The following SDR42E2 variants were observed in gnomAD, a reference collection of about 807,000 sequenced individuals.
The protein encoded by SDR42E2 is short chain dehydrogenase/reductase family 42E, member 2.
SDR42E2 carries 20 observed loss-of-function variants against 10.5 expected under a neutral mutation model. The ratio of observed to expected loss-of-function variants is 1.90; its 90% CI spans 1.34 to 2.77. SDR42E2 has a LOEUF of 2.77. SDR42E2 is among the 30% of genes most tolerant of loss of function. The pLI, the probability that SDR42E2 is intolerant of heterozygous loss-of-function variation, is 0.00. For synonymous variants in SDR42E2, 72 were observed against 39.2 expected (o/e 1.84, Z -3.12); for missense variants, 162 against 104.2 (o/e 1.55, Z -2.42).
Position 22,169,492 on chromosome 16 carries a change from A to G in SDR42E2, c.384A>G (p.Leu128=), listed in dbSNP as rs2046574874. 2.8e-6 allele frequency: 2 copies of G among 703,424 alleles called. No homozygotes were observed. The highest frequency in any genetic ancestry group is 3.5e-5 in the African/African-American group (2 of 57,250). 43.6% of individuals were successfully genotyped at this position (703,424 alleles called of 1,614,324 possible). Residue 128 remains leucine (L), a synonymous_variant, in exon 5 of 13, where the codon CTA becomes CTG. Transcript: ENST00000602312. ...IESINVGGTK[L]VIDVCVRRRV... is the part of the protein sequence containing the mutation. ...CTATAAATGTTGGAGGCACCAAACT[A>G]GTGATTGATGGTAGGTGCTCAGAGC...
chr16:22,176,277 C>G (rs1008032715), intron 7 of SDR42E2, among the ~76,000 whole-genome samples: 1 of 152,060 alleles, frequency 6.6e-6, no homozygotes, highest in Non-Finnish European at 1.5e-5. Context: ...CACCATGGTG[C>G]CTGGCTAATT....
chr16:22,166,926 C>A lies in SDR42E2; in HGVS notation c.263C>A (p.Ala88Asp), dbSNP rs2046545809. 2.9e-6 allele frequency: 2 copies of A among 699,148 alleles called. No individual in the cohort carries two copies. Among genetic ancestry groups the A allele is most frequent in the Non-Finnish European group, 5.2e-6 (2 of 382,412 alleles). 43.3% of individuals were successfully genotyped at this position (699,148 alleles called of 1,614,324 possible). A position where few individuals can be genotyped will look rare whatever the true frequency, so the allele number is the denominator to read the frequency against. Reference protein sequence around the residue: ...FIQADVRDEEALYRAFEGVDC... With the variant: ...FIQADVRDEEDLYRAFEGVDC... ...CAGGCTGATGTCCGAGATGAAGAAG[C>A]CCTGTACCGTGCCTTCGAAGGGGTG... The change falls in exon 4 of 13, where the codon GCC becomes GAC. Residue 88 changes from alanine to aspartate, a missense_variant. Physicochemically the swap from Ala to Asp is moderately radical, Grantham distance 126. Transcript: ENST00000602312.
In SDR42E2 at chr16:22,183,739, A is replaced by G. The variant is rs138243121; in HGVS notation, c.877-442A>G. Among the ~76,000 whole-genome samples, 53 of 152,318 alleles carry G rather than the reference A, an allele frequency of 3.5e-4. No individual in the cohort carries two copies. The East Asian group carries it at 6.2e-3, about 18-fold the overall frequency. On this transcript the variant is annotated intron_variant, in intron 10 of 12. Coordinates refer to ENST00000602312, the MANE Select transcript of SDR42E2 (RefSeq NM_001394319.2). ...AAATCAGATTCTACATAAATGCCTTAGAGTGTCTCTAGGTATAGACAGATG... is the reference window on the plus strand; with the variant it reads ...AAATCAGATTCTACATAAATGCCTTGGAGTGTCTCTAGGTATAGACAGATG...
rs1407438771 is a variant in SDR42E2 at position 22,190,360 on chromosome 16, G to A, written c.1236G>A (p.Leu412=). 1.7e-5 allele frequency: 7 copies of A among 402,022 alleles called. No individual in the cohort carries two copies. In the East Asian group the frequency reaches 2.1e-4, roughly 12 times the overall value. 24.9% of individuals were successfully genotyped at this position (402,022 alleles called of 1,614,324 possible). Residue 412 remains leucine, a synonymous_variant, in exon 13 of 13, where the codon CTG becomes CTA. Coordinates refer to ENST00000602312, the MANE Select transcript of SDR42E2 (RefSeq NM_001394319.2). The part of the protein sequence containing the change: ...LLALALHFLG[L]QPLHAAVERL ...CCCTGGCCCTGCACTTCCTAGGCCT[G>A]CAGCCTCTGCACGCCGCCGTGGAGC...
At chr16:22,175,947 C>T (rs1164117585) in intron 7 of SDR42E2, among the ~76,000 whole-genome samples, 1 of 151,012 alleles carries the variant, frequency 6.6e-6, no homozygotes, top group African/African-American at 2.4e-5. Flanking sequence ...GAGCCGAGAT[C>T]GTGCCATTGC....
At chr16:22,185,480 T>C (rs533677966) in intron 11 of SDR42E2, among the ~76,000 whole-genome samples, 1 of 152,230 alleles carries the variant, frequency 6.6e-6, no homozygotes, top group South Asian at 2.1e-4. Flanking sequence ...CTAACAGTAA[T>C]TCAGTGCTTC....
chr16:22,181,077 AG>A (rs2046688796), intron 8 of SDR42E2, among the ~76,000 whole-genome samples: 1 of 152,166 alleles, frequency 6.6e-6, no homozygotes, highest in Non-Finnish European at 1.5e-5. Context: ...GGGTGGACAG[AG>A]GGGGACCAGT....
rs2046529129 is a variant in SDR42E2 at position 22,165,714 on chromosome 16, G to T, written c.55+77G>T. The T allele has an allele frequency of 1.7e-5, 7 of 402,326 alleles. No individual in the cohort carries two copies. The South Asian group carries it at 7.5e-4, about 43-fold the overall frequency. The allele number at this position is 402,326 out of a possible 1,614,324, so 24.9% of individuals were successfully genotyped here. A position where few individuals can be genotyped will look rare whatever the true frequency, so the allele number is the denominator to read the frequency against. ...GGTCTGGCTCAGGGTCTGAGTCAAG[G>T]CCTGCACCAAAGCCTGGTGCCATTC... On this transcript the variant is annotated intron_variant, in intron 2 of 12. Transcript: ENST00000602312.
chr16:22,179,580 C>A (rs1309918914), intron 8 of SDR42E2, among the ~76,000 whole-genome samples: 1 of 151,842 alleles, frequency 6.6e-6, no homozygotes, highest in African/African-American at 2.4e-5. Context: ...GGGAGGCCGA[C>A]AGGGATGGAT....
intron 12 of SDR42E2, among the ~76,000 whole-genome samples, 191 bp from the exon 13 acceptor site, chr16:22,189,948 A>T (rs1040759388): frequency 6.6e-6 from 1 of 152,196 alleles, no homozygotes; most frequent in African/African-American, 2.4e-5. Context: ...AAAAATGAAC[A>T]TGTAAGGAAG....
chr16:22,169,183 C>T (rs1039646642), intron 4 of SDR42E2, among the ~76,000 whole-genome samples: 35 of 152,184 alleles, frequency 2.3e-4, no homozygotes, highest in Non-Finnish European at 1.3e-4. Context: ...TATTGAGTCC[C>T]GCCCACCACC....
intron 4 of SDR42E2, among the ~76,000 whole-genome samples, chr16:22,168,293 T>G (rs2046563155): frequency 6.6e-6 from 1 of 151,778 alleles, no homozygotes; most frequent in African/African-American, 2.4e-5. Context: ...TGAGACGGAG[T>G]TTCGCTCAGT....
At position 22,170,842 on chromosome 16, in the gene SDR42E2, G is replaced by A. The variant is rs547855624; in HGVS notation, c.404G>A (p.Arg135His). 3.1e-5 allele frequency: 22 copies of A among 702,948 alleles called. No individual in the cohort carries two copies. In the African/African-American group the frequency reaches 3.5e-4, roughly 11 times the overall value. The allele number at this position is 702,948 out of a possible 1,614,324, so 43.5% of individuals were successfully genotyped here. A position where few individuals can be genotyped will look rare whatever the true frequency, so the allele number is the denominator to read the frequency against. The change falls in exon 6 of 13, where the codon CGC (arginine) becomes CAC (histidine). Residue 135 changes from arginine to histidine, a missense_variant. Physicochemically the swap from Arg to His is conservative, Grantham distance 29 (BLOSUM62 0). Coordinates refer to ENST00000602312, the MANE Select transcript of SDR42E2 (RefSeq NM_001394319.2). ...GTKLVIDVCV[R>H]RRVPRLIYTS... is the part of the protein sequence containing the mutation. Reference sequence around the variant, plus strand: ...GCACCTGCTGCTGCAGTCTGTGTTCGCCGGCGGGTTCCAAGGCTCATCTAT... The same window carrying A: ...GCACCTGCTGCTGCAGTCTGTGTTCACCGGCGGGTTCCAAGGCTCATCTAT...
chr16:22,182,504 G>A (rs1390680722), intron 10 of SDR42E2, among the ~76,000 whole-genome samples: 3 of 151,866 alleles, frequency 2.0e-5, no homozygotes, highest in Non-Finnish European at 1.5e-5. Flanking sequence ...ACGCCACCAC[G>A]CCCAGTTAAT....
intron 6 of SDR42E2, 44 bp downstream of exon 6, chr16:22,170,995 G>GA: frequency 1.4e-6 from 1 of 702,382 alleles, no homozygotes; most frequent in Non-Finnish European, 2.6e-6. Flanking sequence ...GCGGGCCCGG[G>GA]ACCCACAGCT....
chr16:22,167,442 C>T (rs1485515416), intron 4 of SDR42E2, among the ~76,000 whole-genome samples: 2 of 152,074 alleles, frequency 1.3e-5, no homozygotes, highest in East Asian at 3.8e-4. Context: ...GCCTTGGCCT[C>T]CCAAAGTGCT....
At chr16:22,187,162 C>T (rs2046742084) in intron 12 of SDR42E2, among the ~76,000 whole-genome samples, 1 of 152,200 alleles carries the variant, frequency 6.6e-6, no homozygotes, top group Non-Finnish European at 1.5e-5. Context: ...ACTCTCAACA[C>T]ATACATACAC....
chr16:22,180,697 A>T (rs1222265827), intron 8 of SDR42E2, among the ~76,000 whole-genome samples: 1 of 152,006 alleles, frequency 6.6e-6, no homozygotes, highest in Non-Finnish European at 1.5e-5. Context: ...CCCTGTCTCT[A>T]AAAAACTATG....
At chr16:22,163,922 A>G (rs1186356195) in intron 1 of SDR42E2, among the ~76,000 whole-genome samples, 1 of 152,116 alleles carries the variant, frequency 6.6e-6, no homozygotes, top group Non-Finnish European at 1.5e-5. Context: ...TGCAGCCAGT[A>G]TATGCCATGC....
Sources: gnomAD v4.1 joint callset for allele counts (sites outside exome capture counted in the v4.1 genomes callset) on GRCh38, gnomAD v4.1.1 for gene constraint, MANE v1.5 for transcripts, NCBI Gene and HGNC (gene_info 2026-07-23, HGNC 2026-07-21) for gene names.